Variants in LDLRAP1 observed in about 807,000 individuals in gnomAD.
The protein encoded by LDLRAP1 is low density lipoprotein receptor adaptor protein 1.
A neutral mutation model predicts 37.8 loss-of-function variants in LDLRAP1; 30 were observed. The ratio of observed to expected loss-of-function variants is 0.79; its 90% CI spans 0.59 to 1.08. LDLRAP1 has a LOEUF of 1.08. Ranked by LOEUF, LDLRAP1 falls within the 50% of genes least tolerant of loss-of-function variation. The pLI, the probability that LDLRAP1 is intolerant of heterozygous loss-of-function variation, is 0.00. For missense variants in LDLRAP1, 375 were observed against 401.6 expected, an observed-to-expected ratio of 0.93 and a Z score of 0.57; for synonymous variants, 156 against 169.8, an observed-to-expected ratio of 0.92 and a Z score of 0.63.
the LDLRAP1 span, among the ~76,000 whole-genome samples, chr1:25,575,423 T>TAAAAAAAAAAAA: frequency 2.8e-5 from 3 of 108,774 alleles, no homozygotes; most frequent in African/African-American, 7.4e-5. Flanking sequence ...CTGTCTCTAC[T>TAAAAAAAAAAAA]AAAAAAAAAA....
rs984539346 is a variant in LDLRAP1, at chr1:25,544,470, T to G, written c.88+684T>G. ...GTGGCAAGCCTGGCGTCCCGACTAT[T>G]TTTGAAACCTGTTTTCTCTCGCACC... On this transcript the variant is annotated intron_variant, in intron 1 of 8. Transcript: ENST00000374338. The surrounding 1 kb of genome is among the most constrained non-coding windows in gnomAD (Gnocchi z 4.8). Among the ~76,000 whole-genome samples, 29 of 152,186 alleles carry G rather than the reference T, an allele frequency of 1.9e-4. No individual in the cohort carries two copies. The highest frequency in any genetic ancestry group is 6.8e-4 in the African/African-American group (28 of 41,446).
chr1:25,585,308 G>A, the LDLRAP1 span, among the ~76,000 whole-genome samples: 3 of 151,796 alleles, frequency 2.0e-5, no homozygotes, highest in African/African-American at 4.9e-5. Context: ...TGGGGAAGCC[G>A]GGTTTTTTGT....
chr1:25,543,905 C>T (rs2043865682), intron 1 of LDLRAP1, 119 bp downstream of exon 1: 1 of 538,340 alleles, frequency 1.9e-6, no homozygotes, highest in Admixed American at 4.8e-5. Context: ...GCGCTCCGGT[C>T]CCGGCGTGGC....
At chr1:25,547,232 C>G (rs2043956098) in intron 1 of LDLRAP1, among the ~76,000 whole-genome samples, 1 of 152,056 alleles carries the variant, frequency 6.6e-6, no homozygotes, top group Admixed American at 6.6e-5. Flanking sequence ...CCTGTAATCC[C>G]AGCACTTTGG....
chr1:25,546,455 T>A (rs949714429), intron 1 of LDLRAP1, among the ~76,000 whole-genome samples: 9 of 152,198 alleles, frequency 5.9e-5, no homozygotes, highest in African/African-American at 2.2e-4. Flanking sequence ...GATTCCTGGT[T>A]GTCCTGACCT....
chr1:25,544,983 G>C lies in LDLRAP1; in HGVS notation c.88+1197G>C, dbSNP rs2043898828. On this transcript the variant is annotated intron_variant, in intron 1 of 8. Transcript: ENST00000374338. This position sits in a 1 kb window ranked among gnomAD's most constrained non-coding sequence, Gnocchi z 4.8. ...TCCTCTGGCCCCACTCTGTTGTTCA[G>C]CTGTGGCCGCCTCCCAGCTGAGACT... is the stretch of plus-strand genomic sequence containing the variant. 6.6e-6 allele frequency among the ~76,000 whole-genome samples: 1 copy of C among 152,254 alleles called. No individual in the cohort carries two copies. Among genetic ancestry groups the C allele is most frequent in the South Asian group, 2.1e-4 (1 of 4,830 alleles).
downstream of LDLRAP1, among the ~76,000 whole-genome samples, chr1:25,570,784 A>G (rs1347386964): frequency 1.3e-5 from 2 of 152,106 alleles, no homozygotes; most frequent in African/African-American, 4.8e-5. Flanking sequence ...GCATGAACCC[A>G]GGAGGTGGAG....
At chr1:25,557,125 C>G in intron 3 of LDLRAP1, 28 bp from the exon 4 acceptor site, 1 of 1,564,478 alleles carries the variant, frequency 6.4e-7, no homozygotes, top group East Asian at 2.2e-5. Flanking sequence ...TGTGCCAGGT[C>G]TGGTGATGCT....
intron 1 of LDLRAP1, 77 bp downstream of exon 1, chr1:25,543,863 C>A: frequency 1.0e-6 from 1 of 977,984 alleles, no homozygotes; most frequent in Non-Finnish European, 1.3e-6. Flanking sequence ...GCCCGGAGTG[C>A]GGCCAAGTTG....
chr1:25,556,203 G>A (rs1407978458), intron 3 of LDLRAP1, among the ~76,000 whole-genome samples: 3 of 152,114 alleles, frequency 2.0e-5, no homozygotes, highest in African/African-American at 4.8e-5. Flanking sequence ...TCTGGGTTGA[G>A]GGGTGAGTCT....
At position 25,554,910 on chromosome 1, in the gene LDLRAP1, A is replaced by G; in HGVS notation, c.282A>G (p.Pro94=). The stretch of plus-strand genomic sequence containing the variant: ...AGAAGGTGACTCTGAAGGTGTCGCC[A>G]CGGGGAATTATCCTGACAGACAACC... The part of the protein sequence containing the change: ...KLQKVTLKVS[P]RGIILTDNLT... Residue 94 remains proline (P), a synonymous_variant, in exon 3 of 9, where the codon CCA becomes CCG. Transcript: ENST00000374338. The surrounding 1 kb of genome is among the most constrained non-coding windows in gnomAD (Gnocchi z 5.4). 6.2e-7 allele frequency: 1 copy of G among 1,614,250 alleles called. No individual in the cohort carries two copies. Among genetic ancestry groups the G allele is most frequent in the Middle Eastern group, 1.6e-4 (1 of 6,062 alleles).
At chr1:25,565,236 G>C (rs537555777) in intron 8 of LDLRAP1, 29 bp downstream of exon 8, 1 of 1,613,816 alleles carries the variant, frequency 6.2e-7, no homozygotes, top group Non-Finnish European at 8.5e-7. Context: ...GCTGGGTAGG[G>C]GGCCTGGTGT....
chr1:25,546,894 A>G (rs949764603), intron 1 of LDLRAP1, among the ~76,000 whole-genome samples: 23 of 152,218 alleles, frequency 1.5e-4, no homozygotes, highest in African/African-American at 4.6e-4. Context: ...GCCCAAGACA[A>G]TTCTTCCAGT....
At chr1:25,569,719 T>G (rs7514842), downstream of LDLRAP1, among the ~76,000 whole-genome samples, 106,881 of 152,122 alleles carry the variant, frequency 0.7, 37,777 homozygotes, top group African/African-American at 0.78. Flanking sequence ...ATGTGCCGGG[T>G]GTTGTGCTGA....
chr1:25,572,118 C>G (rs537132508), downstream of LDLRAP1, among the ~76,000 whole-genome samples: 1 of 152,160 alleles, frequency 6.6e-6, no homozygotes, highest in Non-Finnish European at 1.5e-5. Context: ...GAATGGTTGG[C>G]GACTGCATGT....
the LDLRAP1 span, chr1:25,581,810 T>C: frequency 6.6e-6 from 1 of 152,246 alleles, no homozygotes; most frequent in Non-Finnish European, 1.5e-5. Flanking sequence ...AGTGTGGCCT[T>C]AGGAATACAG....
intron 4 of LDLRAP1, among the ~76,000 whole-genome samples, chr1:25,558,369 C>G (rs1053985490): frequency 1.3e-5 from 2 of 152,198 alleles, no homozygotes; most frequent in Admixed American, 1.3e-4. Flanking sequence ...CTTCCTGCTG[C>G]CCATCAGGAC....
chr1:25,570,131 A>C (rs910210015), downstream of LDLRAP1, among the ~76,000 whole-genome samples: 2 of 152,168 alleles, frequency 1.3e-5, no homozygotes, highest in Admixed American at 6.5e-5. Flanking sequence ...CCCTCATATC[A>C]GCATCAGGCT....
chr1:25,562,948 C>T (rs2044378829), intron 5 of LDLRAP1, 122 bp from the exon 6 acceptor site: 1 of 998,086 alleles, frequency 1.0e-6, no homozygotes, highest in Non-Finnish European at 1.6e-6. Flanking sequence ...TTTCTTTCCT[C>T]CCGGCTGGAA....
Sources: gnomAD v4.1 joint callset for allele counts (sites outside exome capture counted in the v4.1 genomes callset) on GRCh38, gnomAD v4.1.1 for gene constraint, Gnocchi (gnomAD v3.1) non-coding constraint, MANE v1.5 for transcripts, NCBI Gene and HGNC (gene_info 2026-07-23, HGNC 2026-07-21) for gene names.